The following FBXL4 variants were observed in gnomAD, a reference collection of about 807,000 sequenced individuals.
The protein encoded by FBXL4 is F-box and leucine rich repeat protein 4.
FBXL4 carries 40 observed loss-of-function variants against 58.9 expected under a neutral mutation model. That is an observed-to-expected ratio of 0.68 (90% confidence interval 0.53 to 0.88). FBXL4 has a LOEUF of 0.88. Ranked by LOEUF, FBXL4 falls within the 40% of genes least tolerant of loss-of-function variation. The probability of loss-of-function intolerance (pLI) is 0.00; values close to 1 mark genes in which losing one functional copy is unlikely to be tolerated. For synonymous variants in FBXL4, 263 were observed against 265.5 expected, an observed-to-expected ratio of 0.99 and a Z score of 0.09; for missense variants, 676 against 734.4, an observed-to-expected ratio of 0.92 and a Z score of 0.92.
rs1485096877 is a variant in FBXL4 at position 98,926,874 on chromosome 6, C to T, written c.115G>A (p.Glu39Lys). 11 of 1,614,052 alleles carry T rather than the reference C, an allele frequency of 6.8e-6. No homozygotes were observed. The East Asian group carries it at 2.2e-4, about 33-fold the overall frequency. Residue 39 changes from glutamate (E) to lysine (K), a missense_variant, in exon 4 of 10, where the codon GAA becomes AAA. Glu to Lys is a moderately conservative substitution (Grantham distance 56). Transcript: ENST00000369244. ...AGAGGGGAAGTCTGGCTGTTTGATT[C>T]TATAGCTCTATGGGTGTTCATCATT... ...GEMMNTHRAI[E>K]SNSQTSPLNA...
intron 1 of FBXL4, among the ~76,000 whole-genome samples, chr6:98,947,256 T>C (rs1377321707): frequency 1.3e-5 from 2 of 152,334 alleles, no homozygotes; most frequent in Middle Eastern, 6.8e-3. Flanking sequence ...GGAGGCCAAG[T>C]AGATGGTCAT....
At chr6:98,895,279 A>T (rs1771371959) in intron 7 of FBXL4, among the ~76,000 whole-genome samples, 1 of 152,248 alleles carries the variant, frequency 6.6e-6, no homozygotes, top group Non-Finnish European at 1.5e-5. Context: ...ATTCAGAACA[A>T]CTAAGACTTC....
chr6:98,903,198 A>C (rs1054886778), intron 6 of FBXL4, among the ~76,000 whole-genome samples: 1 of 152,164 alleles, frequency 6.6e-6, no homozygotes, highest in African/African-American at 2.4e-5. Flanking sequence ...ATACTTATTC[A>C]AAGATTATTC....
intron 6 of FBXL4, among the ~76,000 whole-genome samples, chr6:98,900,088 T>C (rs1771550766): frequency 6.6e-6 from 1 of 152,192 alleles, no homozygotes; most frequent in South Asian, 2.1e-4. Flanking sequence ...ATAAAATATA[T>C]AGAAATAAAC....
At chr6:98,880,681 A>G in intron 7 of FBXL4, 57 bp from the exon 8 acceptor site, 3 of 1,428,512 alleles carry the variant, frequency 2.1e-6, no homozygotes, top group Non-Finnish European at 3.0e-6. Flanking sequence ...AGTGAAACAA[A>G]GAGAAGAGGT....
At chr6:98,883,495 T>C (rs1770922845) in intron 7 of FBXL4, among the ~76,000 whole-genome samples, 3 of 152,026 alleles carry the variant, frequency 2.0e-5, no homozygotes, top group Admixed American at 2.0e-4. Flanking sequence ...CAAAAAGTTC[T>C]TCTTTAGCTA....
At chr6:98,898,694 T>C in intron 7 of FBXL4, 2 of 985,044 alleles carry the variant, frequency 2.0e-6, no homozygotes, top group Non-Finnish European at 2.4e-6. Flanking sequence ...ATGTTGATCA[T>C]TTGGAGAATG....
rs189497833 is a variant in FBXL4, at chr6:98,905,397, A to G, written c.1103+29T>C. ...AAGTATAACCTGCTGCTGGGGGGGA[A>G]AAAAACTTCATCAAGGCTTTGTACT... On this transcript the variant is annotated intron_variant, in intron 6 of 9. Coordinates refer to ENST00000369244, the MANE Select transcript of FBXL4 (RefSeq NM_001278716.2). 3,196 of 1,604,048 alleles carry G rather than the reference A, an allele frequency of 2.0e-3. 49 individuals are homozygous for G. The African/African-American group carries it at 0.035, about 18-fold the overall frequency.
intron 4 of FBXL4, among the ~76,000 whole-genome samples, chr6:98,925,574 A>G (rs1772747258): frequency 6.6e-6 from 1 of 152,204 alleles, no homozygotes; most frequent in Admixed American, 6.5e-5. Flanking sequence ...AGAAACAACT[A>G]AGTGCCCATC....
intron 1 of FBXL4, among the ~76,000 whole-genome samples, chr6:98,945,147 C>A (rs1209303470): frequency 1.3e-5 from 2 of 152,170 alleles, no homozygotes; most frequent in African/African-American, 2.4e-5. Flanking sequence ...TCTGACCTAG[C>A]AATTCCATAT....
At chr6:98,902,311 T>C (rs1771644616) in intron 6 of FBXL4, among the ~76,000 whole-genome samples, 1 of 152,124 alleles carries the variant, frequency 6.6e-6, no homozygotes, top group Admixed American at 6.6e-5. Flanking sequence ...TTATTTAATA[T>C]AGCTGATCCA....
intron 7 of FBXL4, among the ~76,000 whole-genome samples, chr6:98,881,776 C>CT (rs1470456982): frequency 1.3e-5 from 2 of 151,974 alleles, no homozygotes; most frequent in African/African-American, 4.8e-5. Context: ...TGATTTTATA[C>CT]TTAAGTTTCA....
chr6:98,922,841 ATGT>A (rs1477117139), intron 4 of FBXL4, among the ~76,000 whole-genome samples: 1 of 152,140 alleles, frequency 6.6e-6, no homozygotes, highest in Non-Finnish European at 1.5e-5. Context: ...TTTTTACTGT[ATGT>A]TAATTTAGCA....
intron 2 of FBXL4, among the ~76,000 whole-genome samples, chr6:98,930,767 T>C (rs1191529354): frequency 6.6e-6 from 1 of 152,200 alleles, no homozygotes; most frequent in Non-Finnish European, 1.5e-5. Context: ...GACAACTTTT[T>C]GCCATTCAAG....
intron 9 of FBXL4, 82 bp from the exon 10 acceptor site, chr6:98,874,523 A>G: frequency 7.2e-7 from 1 of 1,383,948 alleles, no homozygotes; most frequent in Non-Finnish European, 9.8e-7. Context: ...GAATCCATCC[A>G]TGATTTATTG....
In FBXL4 at chr6:98,892,095, C is replaced by T. The variant is rs1353781785; in HGVS notation, c.1317+7173G>A. On this transcript the variant is annotated intron_variant, in intron 7 of 9. Coordinates refer to ENST00000369244, the MANE Select transcript of FBXL4 (RefSeq NM_001278716.2). Reference sequence around the variant, plus strand: ...AGGATACAGAAATATAGCCTAGAGACACATACCAAGGACTCTAAGAAAGTT... The same window carrying T: ...AGGATACAGAAATATAGCCTAGAGATACATACCAAGGACTCTAAGAAAGTT... Among the ~76,000 whole-genome samples the T allele has an allele frequency of 3.2e-4, 48 of 152,140 alleles. 1 individual carries two copies. Among genetic ancestry groups the T allele is most frequent in the Admixed American group, 3.1e-3 (48 of 15,262 alleles).
At chr6:98,880,987 AAAAAC>A (rs1321092328) in intron 7 of FBXL4, among the ~76,000 whole-genome samples, 1 of 152,020 alleles carries the variant, frequency 6.6e-6, no homozygotes, top group Non-Finnish European at 1.5e-5. Flanking sequence ...CTCCAAAAAC[AAAAAC>A]AAAAAGACAA....
chr6:98,900,609 T>G (rs927196022), intron 6 of FBXL4, among the ~76,000 whole-genome samples: 12 of 152,282 alleles, frequency 7.9e-5, no homozygotes, highest in African/African-American at 2.6e-4. Context: ...CCACACTGCC[T>G]CGTGGGATTG....
rs1394080480 is a variant in FBXL4 at position 98,917,373 on chromosome 6, C to T, written c.858+1G>A. 1 of 1,585,588 alleles carries T rather than the reference C, an allele frequency of 6.3e-7. No individual in the cohort carries two copies. The highest frequency in any genetic ancestry group is 1.8e-5 in the Admixed American group (1 of 56,546). On this transcript the variant is annotated splice_donor_variant, in intron 5 of 9. Coordinates refer to ENST00000369244, the MANE Select transcript of FBXL4 (RefSeq NM_001278716.2). LOFTEE classifies it high-confidence loss of function. ...ACTGCTGCTAAATATTTTTGGCTTA[C>T]CTCATAAGGTAGTTTATCAAAATAC... is the stretch of plus-strand genomic sequence containing the variant.
Sources: gnomAD v4.1 joint callset for allele counts (sites outside exome capture counted in the v4.1 genomes callset) on GRCh38, gnomAD v4.1.1 for gene constraint, MANE v1.5 for transcripts, NCBI Gene and HGNC (gene_info 2026-07-23, HGNC 2026-07-21) for gene names.